The following GRIN2B variants were observed in gnomAD, a reference collection of about 807,000 sequenced individuals.
The protein encoded by GRIN2B is glutamate receptor ionotropic, NMDA 2B.
A neutral mutation model predicts 114.5 loss-of-function variants in GRIN2B; 5 were observed. The observed-to-expected ratio is 0.04, with a 90% CI of 0.02 to 0.09. GRIN2B has a LOEUF of 0.09. Among genes scored for constraint, GRIN2B ranks in the 10% least tolerant of loss-of-function variants. The probability of loss-of-function intolerance (pLI) is 1.00; values close to 1 mark genes in which losing one functional copy is unlikely to be tolerated. For synonymous variants in GRIN2B, 787 were observed against 745.1 expected (o/e 1.06, Z -0.92); for missense variants, 1,108 against 1,943.5 (o/e 0.57, Z 8.08).
At chr12:13,923,462 A>G (rs1007788509) in intron 2 of GRIN2B, among the ~76,000 whole-genome samples, 1 of 152,246 alleles carries the variant, frequency 6.6e-6, no homozygotes, top group Non-Finnish European at 1.5e-5. Context: ...AAAGTTCTAT[A>G]TTGCATAAAG....
chr12:13,934,792 T>C (rs1867098759), intron 2 of GRIN2B, among the ~76,000 whole-genome samples: 1 of 144,126 alleles, frequency 6.9e-6, no homozygotes, highest in Non-Finnish European at 1.5e-5. Flanking sequence ...CAACACTCTA[T>C]ATGGAAAGCA....
chr12:13,650,281 C>T (rs1404446482), intron 5 of GRIN2B, among the ~76,000 whole-genome samples: 1 of 151,974 alleles, frequency 6.6e-6, no homozygotes, highest in African/African-American at 2.4e-5. Flanking sequence ...TCATGTGCTT[C>T]CCTCCTTCCT....
intron 3 of GRIN2B, among the ~76,000 whole-genome samples, chr12:13,815,332 T>C (rs766926541): frequency 6.6e-6 from 1 of 152,034 alleles, no homozygotes; most frequent in Non-Finnish European, 1.5e-5. Flanking sequence ...TGAGAGTATG[T>C]TTCAGTCCTG....
intron 4 of GRIN2B, among the ~76,000 whole-genome samples, chr12:13,715,100 T>A (rs1211686527): frequency 6.6e-6 from 1 of 151,878 alleles, no homozygotes; most frequent in African/African-American, 2.4e-5. Flanking sequence ...GTGGTGATAG[T>A]TATGACGATG....
intron 2 of GRIN2B, among the ~76,000 whole-genome samples, chr12:13,876,034 G>A (rs1015288813): frequency 3.9e-5 from 6 of 152,242 alleles, no homozygotes; most frequent in Non-Finnish European, 8.8e-5. Context: ...GAGATCAGGA[G>A]AGTAATGAGC....
chr12:13,799,087 C>T (rs1382223679), intron 3 of GRIN2B, among the ~76,000 whole-genome samples: 1 of 152,228 alleles, frequency 6.6e-6, no homozygotes, highest in Non-Finnish European at 1.5e-5. Flanking sequence ...AATTTCACTG[C>T]TCTGGGTCAG....
In GRIN2B at chr12:13,541,774, G is replaced by A. The variant is rs1948282724; in HGVS notation, c.*21009C>T. 6.6e-6 allele frequency: 1 copy of A among 152,186 alleles called. No homozygotes were observed. Among genetic ancestry groups the A allele is most frequent in the South Asian group, 2.1e-4 (1 of 4,832 alleles). 9.4% of individuals were successfully genotyped at this position (152,186 alleles called of 1,614,324 possible). A position where few individuals can be genotyped will look rare whatever the true frequency, so the allele number is the denominator to read the frequency against. On this transcript the variant is annotated 3_prime_UTR_variant, in exon 14 of 14. Transcript: ENST00000609686. Reference sequence around the variant, plus strand: ...TCACACCCTGTTCAGGGTTCCGTGAGGGTTTGGAAAAATAGTTCACTAGAA... The same window carrying A: ...TCACACCCTGTTCAGGGTTCCGTGAAGGTTTGGAAAAATAGTTCACTAGAA...
chr12:13,785,881 A>G (rs1231367189), intron 3 of GRIN2B, among the ~76,000 whole-genome samples: 1 of 152,204 alleles, frequency 6.6e-6, no homozygotes, highest in Non-Finnish European at 1.5e-5. Context: ...TAAAATTTGA[A>G]TCTAAGACTC....
rs1313051828 is a variant in GRIN2B at position 13,547,973 on chromosome 12, A to ATTTT, written c.*14809_*14810insAAAA. 6.5e-5 allele frequency: 3 copies of ATTTT among 46,334 alleles called. No individual in the cohort carries two copies. Among genetic ancestry groups the ATTTT allele is most frequent in the Admixed American group, 2.7e-4 (1 of 3,648 alleles). The allele number at this position is 46,334 out of a possible 1,614,324, so 2.9% of individuals were successfully genotyped here. ...TGTATGTGTGTGTATATATATATAT[A>ATTTT]TATATATATTTTTTTTTTTTTTCTG... is the stretch of plus-strand genomic sequence containing the variant. On this transcript the variant is annotated 3_prime_UTR_variant, in exon 14 of 14. Coordinates refer to ENST00000609686, the MANE Select transcript of GRIN2B (RefSeq NM_000834.5).
At chr12:13,631,746 T>C (rs561841100) in intron 5 of GRIN2B, among the ~76,000 whole-genome samples, 10 of 152,314 alleles carry the variant, frequency 6.6e-5, no homozygotes, top group African/African-American at 2.4e-4. Context: ...CTAAGTGGCC[T>C]CCTAAAGGAA....
At chr12:13,740,727 T>G (rs1048370483) in intron 4 of GRIN2B, among the ~76,000 whole-genome samples, 10 of 152,222 alleles carry the variant, frequency 6.6e-5, no homozygotes, top group African/African-American at 2.4e-4. Context: ...CCCGCTTCAG[T>G]TCCAAGGATT....
intron 4 of GRIN2B, among the ~76,000 whole-genome samples, chr12:13,677,043 G>A (rs1038383284): frequency 1.3e-5 from 2 of 152,128 alleles, no homozygotes; most frequent in Admixed American, 1.3e-4. Flanking sequence ...TCCCTTCACT[G>A]GGAATTCCCA....
intron 5 of GRIN2B, among the ~76,000 whole-genome samples, chr12:13,665,200 AATT>A (rs1949963108): frequency 4.6e-5 from 7 of 151,012 alleles, no homozygotes; most frequent in South Asian, 2.1e-4. Context: ...TGATAACAGG[AATT>A]ATAAGTATAG....
At chr12:13,646,915 A>T (rs1949766101) in intron 5 of GRIN2B, among the ~76,000 whole-genome samples, 1 of 152,094 alleles carries the variant, frequency 6.6e-6, no homozygotes, top group South Asian at 2.1e-4. Context: ...ACCTATGAAG[A>T]GGGTCGCATG....
chr12:13,692,760 C>CTTTCTTTTTTTTT lies in GRIN2B; in HGVS notation c.1011-16902_1011-16901insAAAAAAAAAGAAA, dbSNP rs1427827056. 5.2e-4 allele frequency among the ~76,000 whole-genome samples: 27 copies of CTTTCTTTTTTTTT among 52,106 alleles called. 2 individuals are homozygous for CTTTCTTTTTTTTT. Among genetic ancestry groups the CTTTCTTTTTTTTT allele is most frequent in the African/African-American group, 1.8e-3 (19 of 10,544 alleles). The allele number at this position is 52,106 out of a possible 152,430, so 34.2% of individuals were successfully genotyped here. On this transcript the variant is annotated intron_variant, in intron 4 of 13. Transcript: ENST00000609686. ...ACTTATTTTCATTAATCTTTCTTTT[C>CTTTCTTTTTTTTT]TTTTTTTTTTTTTTTTTTTTTTTTT... is the stretch of plus-strand genomic sequence containing the variant.
At chr12:13,667,093 T>C (rs980365) in intron 5 of GRIN2B, among the ~76,000 whole-genome samples, 55,922 of 151,976 alleles carry the variant, frequency 0.37, 11,663 homozygotes, top group East Asian at 0.8. Flanking sequence ...GCAGTAGTCA[T>C]ATGACTCCTT....
intron 2 of GRIN2B, among the ~76,000 whole-genome samples, chr12:13,900,398 C>A (rs992142322): frequency 6.6e-6 from 1 of 151,952 alleles, no homozygotes; most frequent in Non-Finnish European, 1.5e-5. Flanking sequence ...TCACTTGAAC[C>A]CAGGAAGCGG....
rs527744877 is a variant in GRIN2B, at chr12:13,711,456, A to G, written c.1011-35597T>C. Among the ~76,000 whole-genome samples, 12 of 152,290 alleles carry G rather than the reference A, an allele frequency of 7.9e-5. No individual in the cohort carries two copies. The East Asian group carries it at 2.3e-3, about 29-fold the overall frequency. Reference sequence around the variant, plus strand: ...GTGAACAGGCAACCTACAGAATGGGAGAAAATTTTTGCAATCTACTCATCT... The same window carrying G: ...GTGAACAGGCAACCTACAGAATGGGGGAAAATTTTTGCAATCTACTCATCT... On this transcript the variant is annotated intron_variant, in intron 4 of 13. Transcript: ENST00000609686.
intron 3 of GRIN2B, among the ~76,000 whole-genome samples, chr12:13,769,093 T>C (rs933238018): frequency 6.6e-6 from 1 of 152,154 alleles, no homozygotes; most frequent in Non-Finnish European, 1.5e-5. Context: ...AGTTACTATT[T>C]CCTTGTTTTA....
Sources: gnomAD v4.1 joint callset for allele counts (sites outside exome capture counted in the v4.1 genomes callset) on GRCh38, gnomAD v4.1.1 for gene constraint, MANE v1.5 for transcripts, NCBI Gene and HGNC (gene_info 2026-07-23, HGNC 2026-07-21) for gene names.